The following RARB variants were observed in gnomAD, a reference collection of about 807,000 sequenced individuals.
RARB encodes retinoic acid receptor beta, also known as HBV-activated protein.
Under a neutral mutation model 51.9 loss-of-function variants are expected in RARB, and 17 were observed. That is an observed-to-expected ratio of 0.33 (90% CI 0.22 to 0.49). The LOEUF is 0.49. Among genes scored for constraint, RARB ranks in the 20% least tolerant of loss-of-function variants. The pLI is 0.99. For synonymous variants in RARB, 215 were observed against 195.4 expected (o/e 1.10, Z -0.84); for missense variants, 369 against 550.8 (o/e 0.67, Z 3.30).
chr3:24,962,048 G>A (rs943313393), intron 2 of RARB, among the ~76,000 whole-genome samples: 5 of 146,808 alleles, frequency 3.4e-5, no homozygotes, highest in African/African-American at 1.3e-4. Context: ...TCCTTCCTCA[G>A]CCTCCCAAGT....
chr3:25,006,491 C>CT (rs1697275365), intron 2 of RARB, among the ~76,000 whole-genome samples: 2 of 152,130 alleles, frequency 1.3e-5, no homozygotes, highest in African/African-American at 4.8e-5. Context: ...ATTTAAAGTA[C>CT]TTTTTTGGCA....
chr3:25,252,006 C>T (rs1020915856), intron 5 of RARB, among the ~76,000 whole-genome samples: 1 of 152,006 alleles, frequency 6.6e-6, no homozygotes, highest in Non-Finnish European at 1.5e-5. Flanking sequence ...ATATTTAAGT[C>T]TGAATAGGTT....
chr3:25,360,983 T>A (rs1461668392), intron 5 of RARB, among the ~76,000 whole-genome samples: 2 of 152,178 alleles, frequency 1.3e-5, no homozygotes, highest in African/African-American at 4.8e-5. Flanking sequence ...AAGGAGTGTC[T>A]TAGTGGTGTT....
At chr3:25,228,051 G>T (rs1428461441) in intron 5 of RARB, among the ~76,000 whole-genome samples, 1 of 151,844 alleles carries the variant, frequency 6.6e-6, no homozygotes, top group East Asian at 1.9e-4. Flanking sequence ...ACAATTTTTT[G>T]TCTCAATACT....
At chr3:24,903,879 G>A (rs1694785440) in intron 2 of RARB, among the ~76,000 whole-genome samples, 1 of 152,146 alleles carries the variant, frequency 6.6e-6, no homozygotes, top group Non-Finnish European at 1.5e-5. Flanking sequence ...GAATTTTAAT[G>A]TGATAAGTTA....
intron 3 of RARB, among the ~76,000 whole-genome samples, chr3:25,560,519 C>T (rs17016748): frequency 0.029 from 4,414 of 152,268 alleles, 206 homozygotes; most frequent in African/African-American, 0.1. Flanking sequence ...ATCCCAAGGA[C>T]ATGAGCGTGG....
intron 5 of RARB, among the ~76,000 whole-genome samples, chr3:25,331,499 C>A (rs1174919064): frequency 6.6e-6 from 1 of 152,126 alleles, no homozygotes; most frequent in African/African-American, 2.4e-5. Context: ...CACAACATAC[C>A]AGAATCTCTG....
At chr3:25,530,046 A>G (rs1698832944) in intron 3 of RARB, among the ~76,000 whole-genome samples, 3 of 151,820 alleles carry the variant, frequency 2.0e-5, no homozygotes, top group Non-Finnish European at 2.9e-5. Flanking sequence ...TCTCCCCTTC[A>G]TACTATGATT....
chr3:25,214,975 G>A lies in RARB; in HGVS notation c.178+40400G>A, dbSNP rs139812491. Among the ~76,000 whole-genome samples the A allele has an allele frequency of 3.9e-5, 6 of 152,346 alleles. No individual in the cohort carries two copies. In the East Asian group the frequency reaches 7.7e-4, roughly 20 times the overall value. On this transcript the variant is annotated intron_variant, in intron 5 of 11. Coordinates refer to the RARB transcript ENST00000383772. ...CACAATAGCAACATGAATGACTAGG[G>A]AAGGAAAGAATGGGAATCAATATAT...
chr3:25,048,251 C>A (rs1482818618), intron 2 of RARB, among the ~76,000 whole-genome samples: 2 of 152,124 alleles, frequency 1.3e-5, no homozygotes, highest in African/African-American at 2.4e-5. Flanking sequence ...GTGAAAAGCA[C>A]TGGATTGAAA....
chr3:25,138,499 G>C (rs1442802874), intron 4 of RARB, among the ~76,000 whole-genome samples: 1 of 151,948 alleles, frequency 6.6e-6, no homozygotes, highest in Non-Finnish European at 1.5e-5. Context: ...GCCTTTTACT[G>C]TTTCTATTTA....
chr3:25,084,741 GT>G (rs1389891017), intron 3 of RARB, among the ~76,000 whole-genome samples: 2 of 149,360 alleles, frequency 1.3e-5, no homozygotes, highest in East Asian at 2.0e-4. Context: ...TCTGTTTGGG[GT>G]TTTTTTTAAT....
intron 5 of RARB, among the ~76,000 whole-genome samples, chr3:25,346,441 A>G (rs1705396203): frequency 2.0e-5 from 3 of 152,346 alleles, no homozygotes; most frequent in African/African-American, 2.4e-5. Flanking sequence ...AGGTGGTCAA[A>G]TGATTAAAAA....
intron 4 of RARB, among the ~76,000 whole-genome samples, chr3:25,578,520 C>T (rs1315586951): frequency 2.6e-5 from 4 of 152,224 alleles, no homozygotes; most frequent in Non-Finnish European, 4.4e-5. Flanking sequence ...GATTTCCCTC[C>T]ATAAGCTTGA....
chr3:24,965,305 A>C (rs1696232168), intron 2 of RARB, among the ~76,000 whole-genome samples: 1 of 152,214 alleles, frequency 6.6e-6, no homozygotes, highest in East Asian at 1.9e-4. Flanking sequence ...TAGAGTGGTC[A>C]TGCCACAGCA....
chr3:25,178,065 G>T (rs2125355593), intron 5 of RARB, among the ~76,000 whole-genome samples: 1 of 152,130 alleles, frequency 6.6e-6, no homozygotes, highest in East Asian at 1.9e-4. Flanking sequence ...TTCTTTTGCA[G>T]TGTGGAATAA....
intron 1 of RARB, among the ~76,000 whole-genome samples, chr3:25,456,343 G>A (rs969906080): frequency 3.3e-5 from 5 of 152,068 alleles, no homozygotes; most frequent in Non-Finnish European, 7.4e-5. Flanking sequence ...TGACTTTCTT[G>A]GGGGGTGGAG....
At chr3:25,227,524 G>A (rs1013587987) in intron 5 of RARB, among the ~76,000 whole-genome samples, 2 of 151,854 alleles carry the variant, frequency 1.3e-5, no homozygotes, top group Non-Finnish European at 2.9e-5. Flanking sequence ...CTCTATATTG[G>A]TACATAAAAT....
chr3:24,984,078 G>A (rs1696735273), intron 2 of RARB, among the ~76,000 whole-genome samples: 1 of 152,098 alleles, frequency 6.6e-6, no homozygotes, highest in South Asian at 2.1e-4. Flanking sequence ...AAAATTATTA[G>A]GGAAAGCAAT....
Sources: gnomAD v4.1 joint callset for allele counts (sites outside exome capture counted in the v4.1 genomes callset) on GRCh38, gnomAD v4.1.1 for gene constraint, MANE v1.5 for transcripts, NCBI Gene and HGNC (gene_info 2026-07-23, HGNC 2026-07-21) for gene names.